PITPNA: variants seen among roughly 807,000 people sequenced by gnomAD.
The protein encoded by PITPNA is phosphatidylinositol transfer protein alpha isoform.
Under a neutral mutation model 50.3 loss-of-function variants are expected in PITPNA, and 13 were observed. The ratio of observed to expected loss-of-function variants is 0.26; its 90% CI spans 0.17 to 0.41. The LOEUF (loss-of-function observed/expected upper bound fraction) is 0.41, where lower values mean the gene tolerates loss of function less well. Ranked by LOEUF, PITPNA falls within the 10% of genes least tolerant of loss-of-function variation. The pLI, the probability that PITPNA is intolerant of heterozygous loss-of-function variation, is 1.00. For synonymous variants in PITPNA, 120 were observed against 119.6 expected, an observed-to-expected ratio of 1.00 and a Z score of -0.02; for missense variants, 207 against 333.4, an observed-to-expected ratio of 0.62 and a Z score of 2.95.
At chr17:1,551,268 CTTTTCT>C (rs2075707487) in intron 3 of PITPNA, among the ~76,000 whole-genome samples, 1 of 151,648 alleles carries the variant, frequency 6.6e-6, no homozygotes, top group African/African-American at 2.4e-5. Context: ...CACTGCTGGC[CTTTTCT>C]TTTTCTTTTT....
chr17:1,543,945 G>C (rs1211309022), intron 4 of PITPNA, among the ~76,000 whole-genome samples: 1 of 152,230 alleles, frequency 6.6e-6, no homozygotes, highest in Non-Finnish European at 1.5e-5. Context: ...CATGGGTATA[G>C]TATCTCGTCA....
intron 1 of PITPNA, among the ~76,000 whole-genome samples, chr17:1,559,054 A>T (rs955631580): frequency 3.9e-5 from 6 of 152,200 alleles, no homozygotes; most frequent in Admixed American, 3.3e-4. Context: ...GACCCAAACA[A>T]GAGGCCCTGG....
chr17:1,551,276 TTTC>T (rs2075707614), intron 3 of PITPNA, among the ~76,000 whole-genome samples: 1 of 151,512 alleles, frequency 6.6e-6, no homozygotes, highest in African/African-American at 2.4e-5. Flanking sequence ...GCCTTTTCTT[TTTC>T]TTTTTTTTCT....
rs554761605 is a variant in PITPNA, at chr17:1,522,096, G to A, written c.769-451C>T. ...CTTTTTTTTTTTGAGACGGAGTCTCGCTCTGCCGCCCAGGCCGGACTGCGG... is the reference window on the plus strand; with the variant it reads ...CTTTTTTTTTTTGAGACGGAGTCTCACTCTGCCGCCCAGGCCGGACTGCGG... On this transcript the variant is annotated intron_variant, in intron 10 of 11. Transcript: ENST00000313486. Among the ~76,000 whole-genome samples the A allele has an allele frequency of 6.3e-5, 8 of 127,850 alleles. No homozygotes were observed. The East Asian group carries it at 1.2e-3, about 19-fold the overall frequency. 83.9% of individuals were successfully genotyped at this position (127,850 alleles called of 152,430 possible). A position where few individuals can be genotyped will look rare whatever the true frequency, so the allele number is the denominator to read the frequency against.
chr17:1,522,396 G>A (rs1364671218), intron 10 of PITPNA, among the ~76,000 whole-genome samples: 1 of 151,954 alleles, frequency 6.6e-6, no homozygotes, highest in African/African-American at 2.4e-5. Context: ...GTGTGTGTGA[G>A]GAGTCTTGCT....
chr17:1,534,366 AC>A, intron 9 of PITPNA, 145 bp from the exon 10 acceptor site: 1 of 918,426 alleles, frequency 1.1e-6, no homozygotes, highest in Non-Finnish European at 1.7e-6. Flanking sequence ...GGTTATCTGG[AC>A]CAGCCATGGG....
intron 11 of PITPNA, among the ~76,000 whole-genome samples, chr17:1,521,085 G>A (rs1218317558): frequency 6.6e-6 from 1 of 152,156 alleles, no homozygotes; most frequent in Non-Finnish European, 1.5e-5. Flanking sequence ...TCTGAAAGAT[G>A]CCACCTCTGA....
At chr17:1,553,646 G>A (rs1017328592) in intron 2 of PITPNA, among the ~76,000 whole-genome samples, 7 of 152,162 alleles carry the variant, frequency 4.6e-5, no homozygotes, top group African/African-American at 1.7e-4. Flanking sequence ...CCTGCTTCTG[G>A]TATTAAGACC....
At chr17:1,533,974 C>T in intron 10 of PITPNA, 125 bp downstream of exon 10, 1 of 1,089,380 alleles carries the variant, frequency 9.2e-7, no homozygotes, top group South Asian at 1.3e-5. Context: ...GATACCGTCC[C>T]TGTAGCAGAC....
chr17:1,523,906 G>A (rs1253074514), intron 10 of PITPNA, among the ~76,000 whole-genome samples: 6 of 152,024 alleles, frequency 3.9e-5, no homozygotes, highest in South Asian at 2.1e-4. Context: ...TAGTCCTCCC[G>A]CCATGGCCTC....
At chr17:1,548,431 G>C in intron 3 of PITPNA, 44 bp from the exon 4 acceptor site, 3 of 1,365,446 alleles carry the variant, frequency 2.2e-6, no homozygotes, top group South Asian at 2.5e-5. Context: ...ATGGTAGAGA[G>C]AAAGGAGACA....
Position 1,534,124 on chromosome 17 carries a change from T to G in PITPNA, c.743A>C (p.Glu248Ala). 2 of 1,613,864 alleles carry G rather than the reference T, an allele frequency of 1.2e-6. No homozygotes were observed. Among genetic ancestry groups the G allele is most frequent in the East Asian group, 2.2e-5 (1 of 44,880 alleles). ...LTMDDIRRME[E>A]ETKRQLDEMR... ...TTCATCCAGCTGTCTCTTCGTCTCT[T>G]CTTCCATCCTTCGAATGTCGTCCAT... Residue 248 changes from glutamate to alanine, a missense_variant, in exon 10 of 12, where the codon GAA becomes GCA. Coordinates refer to ENST00000313486, the MANE Select transcript of PITPNA (RefSeq NM_006224.4).
At chr17:1,552,616 C>G (rs2075715336) in intron 3 of PITPNA, among the ~76,000 whole-genome samples, 1 of 121,876 alleles carries the variant, frequency 8.2e-6, no homozygotes, top group African/African-American at 3.1e-5. Context: ...TCTGCATATA[C>G]AAGTACATCA....
chr17:1,532,876 C>T (rs559313459), intron 10 of PITPNA, among the ~76,000 whole-genome samples: 1 of 152,366 alleles, frequency 6.6e-6, no homozygotes, highest in South Asian at 2.1e-4. Flanking sequence ...GAGGAACCAA[C>T]TCAGTGCACC....
In PITPNA at chr17:1,530,489, C is replaced by T. The variant is rs185392037; in HGVS notation, c.768+3610G>A. Among the ~76,000 whole-genome samples the T allele has an allele frequency of 4.5e-4, 69 of 152,292 alleles. No individual in the cohort carries two copies. In the East Asian group the frequency reaches 0.011, roughly 24 times the overall value. On this transcript the variant is annotated intron_variant, in intron 10 of 11. Coordinates refer to ENST00000313486, the MANE Select transcript of PITPNA (RefSeq NM_006224.4). ...AAGCCTCATTCAAGAATGGTGGGTC[C>T]GCCCGGACAGGGACTAGAGTTACAG... is the stretch of plus-strand genomic sequence containing the variant.
chr17:1,535,514 T>C lies in PITPNA; in HGVS notation c.461A>G (p.Tyr154Cys). Reference protein sequence around the residue: ...ADRSQVLSKDYKAEEDPAKFK... With the variant: ...ADRSQVLSKDCKAEEDPAKFK... ...TTTTGCTGGGTCTTCCTCTGCCTTG[T>C]AATCCTGAGAGAAATTGTGGAATTG... The change falls in exon 8 of 12, where the codon TAC becomes TGC. Residue 154 changes from tyrosine to cysteine, a missense_variant. Transcript: ENST00000313486. 1 of 1,610,620 alleles carries C rather than the reference T, an allele frequency of 6.2e-7. No individual in the cohort carries two copies. The highest frequency in any genetic ancestry group is 1.1e-5 in the South Asian group (1 of 91,018).
In PITPNA at chr17:1,552,256, C is replaced by A. The variant is rs1287515765; in HGVS notation, c.197+748G>T. 3.9e-5 allele frequency among the ~76,000 whole-genome samples: 6 copies of A among 152,202 alleles called. No individual in the cohort carries two copies. The East Asian group carries it at 1.2e-3, about 29-fold the overall frequency. On this transcript the variant is annotated intron_variant, in intron 3 of 11. Transcript: ENST00000313486. ...ATTTTATGTTACGTGTACTTTATCA[C>A]AATTTTTAAAAAGATTCAGGTTTAC...
chr17:1,518,717 C>A lies in PITPNA; in HGVS notation c.*1844G>T, dbSNP rs1298253670. 1 of 152,220 alleles carries A rather than the reference C, an allele frequency of 6.6e-6. No homozygotes were observed. Among genetic ancestry groups the A allele is most frequent in the African/African-American group, 2.4e-5 (1 of 41,440 alleles). 9.4% of individuals were successfully genotyped at this position (152,220 alleles called of 1,614,324 possible). A position where few individuals can be genotyped will look rare whatever the true frequency, so the allele number is the denominator to read the frequency against. ...GTCTGCCTAGAATGTCAGTTTGTTTCTTTCAAGATAACCCGCATCTGGACT... is the reference window on the plus strand; with the variant it reads ...GTCTGCCTAGAATGTCAGTTTGTTTATTTCAAGATAACCCGCATCTGGACT... On this transcript the variant is annotated 3_prime_UTR_variant, in exon 12 of 12. Transcript: ENST00000313486.
chr17:1,534,403 T>TA (rs2075602750), intron 9 of PITPNA, among the ~76,000 whole-genome samples, 182 bp from the exon 10 acceptor site: 1 of 152,112 alleles, frequency 6.6e-6, no homozygotes, highest in Admixed American at 6.5e-5. Context: ...TTCACGTGTC[T>TA]AACAGGTATG....
Sources: gnomAD v4.1 joint callset for allele counts (sites outside exome capture counted in the v4.1 genomes callset) on GRCh38, gnomAD v4.1.1 for gene constraint, MANE v1.5 for transcripts, NCBI Gene and HGNC (gene_info 2026-07-23, HGNC 2026-07-21) for gene names.